CNTN5: variants seen among roughly 807,000 people sequenced by gnomAD.
CNTN5 encodes the protein contactin 5.
A neutral mutation model predicts 129.1 loss-of-function variants in CNTN5; 77 were observed. The observed-to-expected ratio is 0.60, with a 90% CI of 0.50 to 0.72. CNTN5 has a LOEUF of 0.72. CNTN5 is among the 30% of genes least tolerant of loss of function. The probability of loss-of-function intolerance (pLI) is 0.00; values close to 1 mark genes in which losing one functional copy is unlikely to be tolerated. For missense variants in CNTN5, 1,478 were observed against 1,328.8 expected (o/e 1.11, Z -1.75); for synonymous variants, 509 against 465.6 (o/e 1.09, Z -1.20).
intron 3 of CNTN5, among the ~76,000 whole-genome samples, chr11:99,747,460 C>T (rs78489598): frequency 4.7e-5 from 4 of 85,748 alleles, no homozygotes; most frequent in Admixed American, 1.8e-4. Flanking sequence ...AGTCAGCATC[C>T]TTTTTTTTTT....
chr11:99,257,541 T>C (rs374346889), intron 1 of CNTN5, among the ~76,000 whole-genome samples: 9 of 152,222 alleles, frequency 5.9e-5, no homozygotes, highest in African/African-American at 2.2e-4. Context: ...TGGATATTCA[T>C]TGATTTTTTT....
At chr11:99,360,454 G>C (rs182899435) in intron 2 of CNTN5, among the ~76,000 whole-genome samples, 2 of 152,154 alleles carry the variant, frequency 1.3e-5, no homozygotes, top group Non-Finnish European at 2.9e-5. Context: ...TGAAATATAG[G>C]TGGAGGCAGC....
At chr11:99,949,998 G>A (rs1950635636) in intron 7 of CNTN5, among the ~76,000 whole-genome samples, 1 of 151,658 alleles carries the variant, frequency 6.6e-6, no homozygotes. Context: ...TTGACTTTAG[G>A]TAACAAACAT....
intron 1 of CNTN5, among the ~76,000 whole-genome samples, chr11:99,267,277 T>C (rs1471409779): frequency 6.6e-6 from 1 of 152,050 alleles, no homozygotes; most frequent in African/African-American, 2.4e-5. Context: ...AACAATGAAA[T>C]AACCACGTGA....
At chr11:99,814,501 G>C (rs1946521295) in intron 3 of CNTN5, among the ~76,000 whole-genome samples, 2 of 152,146 alleles carry the variant, frequency 1.3e-5, no homozygotes, top group Non-Finnish European at 2.9e-5. Context: ...AGTTCTTTCA[G>C]CATGATACTG....
At chr11:99,772,168 T>C (rs951493756) in intron 3 of CNTN5, among the ~76,000 whole-genome samples, 38 of 151,858 alleles carry the variant, frequency 2.5e-4, no homozygotes, top group African/African-American at 9.2e-4. Context: ...CTTCATTTTT[T>C]TTTTTGCCAT....
intron 3 of CNTN5, among the ~76,000 whole-genome samples, chr11:99,614,966 T>C (rs1034798110): frequency 2.6e-5 from 4 of 151,352 alleles, no homozygotes; most frequent in Middle Eastern, 3.2e-3. Flanking sequence ...TGTGTGCATG[T>C]GTGTGTAGGT....
At chr11:99,425,967 G>A (rs1943102567) in intron 2 of CNTN5, among the ~76,000 whole-genome samples, 1 of 152,188 alleles carries the variant, frequency 6.6e-6, no homozygotes, top group African/African-American at 2.4e-5. Flanking sequence ...TATTTATGTG[G>A]CAAACAGCAA....
intron 6 of CNTN5, among the ~76,000 whole-genome samples, chr11:99,906,330 G>C: frequency 6.6e-6 from 1 of 152,148 alleles, no homozygotes; most frequent in South Asian, 2.1e-4. Flanking sequence ...AGCTTATTGA[G>C]AGTTTTTAGC....
rs112949738 is a variant in CNTN5 at position 99,780,456 on chromosome 11, G to A, written c.56-39088G>A. Among the ~76,000 whole-genome samples, 789 of 152,070 alleles carry A rather than the reference G, an allele frequency of 5.2e-3. 6 individuals carry two copies. The highest frequency in any genetic ancestry group is 0.018 in the African/African-American group (749 of 41,512). On this transcript the variant is annotated intron_variant, in intron 3 of 24. Transcript: ENST00000524871. The stretch of plus-strand genomic sequence containing the variant: ...ACGACACTTTAAATGAGAAATGAAT[G>A]AATAAAGGTCGGGTTGAGAATAAAT...
chr11:99,585,661 A>C (rs2135642043), intron 3 of CNTN5, among the ~76,000 whole-genome samples: 1 of 152,264 alleles, frequency 6.6e-6, no homozygotes, highest in South Asian at 2.1e-4. Flanking sequence ...ATTATTTTCC[A>C]ACTGTAAATG....
chr11:99,830,381 A>G (rs1295362388), intron 4 of CNTN5, among the ~76,000 whole-genome samples: 2 of 152,088 alleles, frequency 1.3e-5, no homozygotes, highest in Non-Finnish European at 2.9e-5. Flanking sequence ...TTGTGGCCTT[A>G]TGTCTTCAGT....
chr11:99,483,685 G>A (rs1169983558), intron 2 of CNTN5, among the ~76,000 whole-genome samples: 2 of 151,256 alleles, frequency 1.3e-5, no homozygotes, highest in African/African-American at 2.4e-5. Context: ...GGGTTGTGGG[G>A]TTGCGGGGGT....
intron 1 of CNTN5, among the ~76,000 whole-genome samples, chr11:99,283,168 C>T (rs1363631782): frequency 6.6e-6 from 1 of 152,068 alleles, no homozygotes; most frequent in African/African-American, 2.4e-5. Context: ...GCTGTGACCA[C>T]TACCTCTGGG....
chr11:99,690,838 C>T (rs1954010484), intron 3 of CNTN5, among the ~76,000 whole-genome samples: 1 of 138,744 alleles, frequency 7.2e-6, no homozygotes, highest in Non-Finnish European at 1.7e-5. Context: ...GAAATGATAA[C>T]AACTCTTTTT....
rs1216183 is a variant in CNTN5, at chr11:100,356,152, T to A, written c.3235T>A (p.Ser1079Thr). Residue 1079 changes from serine (S) to threonine (T), a missense_variant, in exon 25 of 25, where the codon TCT becomes ACT. Physicochemically the swap from Ser to Thr is moderately conservative, Grantham distance 58. Transcript: ENST00000524871. ...CACAAGTGCACAGTCGACCCTTCAC[T>A]CTCTCTCCACATCTTCGTCATCAGT... is the stretch of plus-strand genomic sequence containing the variant. The part of the protein sequence containing the change: ...KITSAQSTLH[S>T]LSTSSSSVTL... 0.15 allele frequency: 239,708 copies of A among 1,609,078 alleles called. 26,317 individuals are homozygous for A. The highest frequency in any genetic ancestry group is 0.47 in the African/African-American group (34,944 of 74,644).
intron 17 of CNTN5, among the ~76,000 whole-genome samples, chr11:100,258,085 G>T (rs779063126): frequency 7.9e-5 from 12 of 152,096 alleles, no homozygotes; most frequent in Non-Finnish European, 1.5e-4. Context: ...GTTTAGAGAA[G>T]AACATAAATG....
intron 18 of CNTN5, among the ~76,000 whole-genome samples, chr11:100,281,492 T>C (rs1950638635): frequency 6.6e-6 from 1 of 152,166 alleles, no homozygotes; most frequent in Non-Finnish European, 1.5e-5. Context: ...ATTTGTTTCT[T>C]TCTCTTACTG....
chr11:99,323,973 G>C (rs1865677901), intron 1 of CNTN5, among the ~76,000 whole-genome samples: 1 of 152,070 alleles, frequency 6.6e-6, no homozygotes, highest in African/African-American at 2.4e-5. Flanking sequence ...GGAATCTATA[G>C]TTCCTTCTGT....
Sources: gnomAD v4.1 joint callset for allele counts (sites outside exome capture counted in the v4.1 genomes callset) on GRCh38, gnomAD v4.1.1 for gene constraint, MANE v1.5 for transcripts, NCBI Gene and HGNC (gene_info 2026-07-23, HGNC 2026-07-21) for gene names.